DDX19A: variants seen among roughly 807,000 people sequenced by gnomAD.
The protein encoded by DDX19A is DEAD-box helicase 19A, also known as ATP-dependent RNA helicase DDX19A.
DDX19A carries 12 observed loss-of-function variants against 60.6 expected under a neutral mutation model. The observed-to-expected ratio is 0.20, with a 90% confidence interval of 0.13 to 0.32. The LOEUF is 0.32. Ranked by LOEUF, DDX19A falls within the 10% of genes least tolerant of loss-of-function variation. The pLI, the probability that DDX19A is intolerant of heterozygous loss-of-function variation, is 1.00. For synonymous variants in DDX19A, 206 were observed against 218.2 expected (o/e 0.94, Z 0.49); for missense variants, 337 against 600.6 (o/e 0.56, Z 4.59).
chr16:70,357,063 A>G (rs1964216323), intron 4 of DDX19A, among the ~76,000 whole-genome samples: 1 of 151,276 alleles, frequency 6.6e-6, no homozygotes, highest in Non-Finnish European at 1.5e-5. Context: ...CCTGACCAAC[A>G]TGGTGAAACC....
chr16:70,369,460 G>C (rs776839652), intron 9 of DDX19A, among the ~76,000 whole-genome samples: 1 of 151,998 alleles, frequency 6.6e-6, no homozygotes, highest in Non-Finnish European at 1.5e-5. Context: ...TTACAGGCAT[G>C]AGCCACCGCG....
At chr16:70,354,504 A>C (rs1964124456) in intron 2 of DDX19A, among the ~76,000 whole-genome samples, 1 of 152,220 alleles carries the variant, frequency 6.6e-6, no homozygotes, top group Non-Finnish European at 1.5e-5. Flanking sequence ...CTCATCACAG[A>C]ATTAATAGTC....
chr16:70,354,025 T>G (rs948350520), intron 2 of DDX19A, among the ~76,000 whole-genome samples: 1 of 151,942 alleles, frequency 6.6e-6, no homozygotes, highest in Non-Finnish European at 1.5e-5. Flanking sequence ...TATAGGCTAA[T>G]TTTTTAAATT....
intron 11 of DDX19A, 118 bp downstream of exon 11, chr16:70,371,681 T>C (rs1025323825): frequency 3.8e-6 from 3 of 787,066 alleles, no homozygotes; most frequent in Non-Finnish European, 6.1e-6. Flanking sequence ...ACTCCCCTCC[T>C]TTCTGACCAT....
At chr16:70,355,250 G>A (rs1198768401) in intron 2 of DDX19A, among the ~76,000 whole-genome samples, 6 of 152,052 alleles carry the variant, frequency 3.9e-5, no homozygotes, top group Admixed American at 3.9e-4. Context: ...GGTGGTGCGT[G>A]CCTAATCCCA....
In DDX19A at chr16:70,368,131, C is replaced by A. The variant is rs147332876; in HGVS notation, c.1020+1270C>A. Among the ~76,000 whole-genome samples, 107 of 152,340 alleles carry A rather than the reference C, an allele frequency of 7.0e-4. No homozygotes were observed. In the East Asian group the frequency reaches 0.02, roughly 28 times the overall value. On this transcript the variant is annotated intron_variant, in intron 9 of 11. Coordinates refer to ENST00000302243, the MANE Select transcript of DDX19A (RefSeq NM_018332.5). ...GTTAGAGGCTGCAGTCAGCTGTGAT[C>A]ACGCCACTGCACTTAGCATGGGTCA...
At chr16:70,351,262 G>A (rs551976644) in intron 2 of DDX19A, among the ~76,000 whole-genome samples, 1 of 151,860 alleles carries the variant, frequency 6.6e-6, no homozygotes. Context: ...CTAGAGTGGA[G>A]TGGCGTGATC....
chr16:70,355,391 A>G, intron 2 of DDX19A, 94 bp from the exon 3 acceptor site: 1 of 976,554 alleles, frequency 1.0e-6, no homozygotes, highest in Non-Finnish European at 1.6e-6. Flanking sequence ...ATAAAAAAAT[A>G]AAATAAATTT....
chr16:70,370,572 T>G, intron 10 of DDX19A, 187 bp downstream of exon 10: 1 of 976,154 alleles, frequency 1.0e-6, no homozygotes, highest in South Asian at 2.8e-5. Flanking sequence ...ACATGCCAGG[T>G]GCGGTGGCTC....
At chr16:70,368,461 G>T (rs747188776) in intron 9 of DDX19A, among the ~76,000 whole-genome samples, 2 of 151,982 alleles carry the variant, frequency 1.3e-5, no homozygotes, top group African/African-American at 2.4e-5. Context: ...TTGGTACAGG[G>T]GGTTTCACCA....
At chr16:70,358,590 T>C (rs1964284459) in intron 4 of DDX19A, among the ~76,000 whole-genome samples, 1 of 151,984 alleles carries the variant, frequency 6.6e-6, no homozygotes, top group Non-Finnish European at 1.5e-5. Flanking sequence ...ACGCCTATAA[T>C]CACAGCACTT....
intron 4 of DDX19A, 25 bp downstream of exon 4, chr16:70,356,272 C>G (rs199754556): frequency 1.6e-4 from 263 of 1,612,812 alleles, no homozygotes; most frequent in Non-Finnish European, 2.0e-4. Flanking sequence ...CTTTCAACAG[C>G]TCTTCGTTGC....
chr16:70,370,594 C>T (rs1361501628), intron 10 of DDX19A: 9 of 736,594 alleles, frequency 1.2e-5, no homozygotes, highest in Non-Finnish European at 1.6e-5. Context: ...TGCCTGCAAT[C>T]CCAAGGCAGG....
At chr16:70,348,160 A>C (rs1278030135) in intron 1 of DDX19A, among the ~76,000 whole-genome samples, 1 of 152,102 alleles carries the variant, frequency 6.6e-6, no homozygotes, top group Non-Finnish European at 1.5e-5. Context: ...TGGAAGTGAA[A>C]ATTAAGGGAT....
intron 9 of DDX19A, 113 bp from the exon 10 acceptor site, chr16:70,370,110 T>A: frequency 1.4e-6 from 2 of 1,406,364 alleles, no homozygotes; most frequent in African/African-American, 2.9e-5. Flanking sequence ...GGCAGGATAA[T>A]GACTTGAGCC....
At chr16:70,364,461 T>G (rs906274721) in intron 5 of DDX19A, 82 bp from the exon 6 acceptor site, 2 of 1,060,944 alleles carry the variant, frequency 1.9e-6, no homozygotes, top group Non-Finnish European at 2.9e-6. Context: ...GGGGGAAATA[T>G]GCCTTTCATT....
At position 70,355,498 on chromosome 16, in the gene DDX19A, C is replaced by A; in HGVS notation, c.120C>A (p.Thr40=). 6.2e-7 allele frequency: 1 copy of A among 1,613,764 alleles called. No homozygotes were observed. Among genetic ancestry groups the A allele is most frequent in the Non-Finnish European group, 8.5e-7 (1 of 1,179,702 alleles). The change falls in exon 3 of 12, where the codon ACC becomes ACA. Residue 40 remains threonine, a synonymous_variant. Transcript: ENST00000302243. The stretch of plus-strand genomic sequence containing the variant: ...TTTCTTGTGTAGGTATTATCAAAAC[C>A]AGTACCACTGCCGAGAAAACAGATG... ...VKADTNGIIK[T]STTAEKTDEE...
At chr16:70,361,661 A>C (rs1964367245) in intron 5 of DDX19A, 151 bp downstream of exon 5, 1 of 590,234 alleles carries the variant, frequency 1.7e-6, no homozygotes. Flanking sequence ...AATCGGATGG[A>C]GTTAGCTACA....
chr16:70,351,457 T>C (rs1964013805), intron 2 of DDX19A, among the ~76,000 whole-genome samples: 1 of 152,176 alleles, frequency 6.6e-6, no homozygotes, highest in South Asian at 2.1e-4. Context: ...TCTGCCTGCC[T>C]CAGCCTCCCA....
Sources: allele counts gnomAD v4.1 joint callset (sites outside exome capture counted in the v4.1 genomes callset), GRCh38; gene constraint gnomAD v4.1.1; transcripts MANE v1.5; gene names NCBI Gene and HGNC (gene_info 2026-07-23, HGNC 2026-07-21).